Variants in COG5 observed in about 807,000 individuals in gnomAD.
The protein encoded by COG5 is component of oligomeric golgi complex 5.
COG5 carries 86 observed loss-of-function variants against 110.4 expected under a neutral mutation model. The ratio of observed to expected loss-of-function variants is 0.78; its 90% CI spans 0.65 to 0.93. The LOEUF is 0.93. Ranked by LOEUF, COG5 falls within the 40% of genes least tolerant of loss-of-function variation. The probability of loss-of-function intolerance (pLI) is 0.00; values close to 1 mark genes in which losing one functional copy is unlikely to be tolerated. For missense variants in COG5, 1,077 were observed against 987.0 expected, an observed-to-expected ratio of 1.09 and a Z score of -1.22; for synonymous variants, 360 against 334.6, an observed-to-expected ratio of 1.08 and a Z score of -0.83.
intron 7 of COG5, among the ~76,000 whole-genome samples, chr7:107,402,883 C>T (rs893139642): frequency 2.6e-5 from 4 of 152,072 alleles, no homozygotes; most frequent in East Asian, 3.9e-4. Context: ...TAAATCTTTC[C>T]GATACAGAAG....
At chr7:107,379,421 A>G (rs1212042308) in intron 7 of COG5, among the ~76,000 whole-genome samples, 1 of 152,166 alleles carries the variant, frequency 6.6e-6, no homozygotes, top group African/African-American at 2.4e-5. Flanking sequence ...ACACAAAACA[A>G]TATTAACTTT....
intron 1 of COG5, 111 bp downstream of exon 1, chr7:107,563,692 T>A: frequency 7.8e-7 from 1 of 1,282,334 alleles, no homozygotes; most frequent in Non-Finnish European, 1.1e-6. Flanking sequence ...AGTGGTCACG[T>A]CCAGACTGGA....
At chr7:107,322,375 A>G (rs1809379939) in intron 11 of COG5, among the ~76,000 whole-genome samples, 1 of 152,198 alleles carries the variant, frequency 6.6e-6, no homozygotes, top group South Asian at 2.1e-4. Context: ...ATCTTCCAGT[A>G]CCTTGATGTT....
At chr7:107,234,575 T>TGC (rs1801025491) in intron 18 of COG5, among the ~76,000 whole-genome samples, 1 of 152,124 alleles carries the variant, frequency 6.6e-6, no homozygotes, top group African/African-American at 2.4e-5. Flanking sequence ...AGCACTCTCG[T>TGC]TTTGGCCATC....
At chr7:107,229,731 G>A (rs138972378) in intron 19 of COG5, among the ~76,000 whole-genome samples, 1 of 150,692 alleles carries the variant, frequency 6.6e-6, no homozygotes, top group Admixed American at 6.6e-5. Context: ...TGATTTCTCC[G>A]CTCAGTACTA....
chr7:107,371,485 T>C (rs1814161966), intron 8 of COG5, among the ~76,000 whole-genome samples: 1 of 152,092 alleles, frequency 6.6e-6, no homozygotes, highest in South Asian at 2.1e-4. Flanking sequence ...ATAGCCACTT[T>C]TTTTCCTATT....
chr7:107,428,422 G>C (rs979723222), intron 6 of COG5, among the ~76,000 whole-genome samples: 10 of 152,072 alleles, frequency 6.6e-5, no homozygotes, highest in African/African-American at 2.4e-4. Context: ...AGAGACCTAG[G>C]AGAAAGCCAT....
At chr7:107,373,571 T>G (rs1362080322) in intron 7 of COG5, among the ~76,000 whole-genome samples, 1 of 152,100 alleles carries the variant, frequency 6.6e-6, no homozygotes, top group South Asian at 2.1e-4. Context: ...ATGTGCTTAG[T>G]ATGCTAGGGA....
At chr7:107,426,011 G>T (rs989945149) in intron 6 of COG5, among the ~76,000 whole-genome samples, 4 of 152,126 alleles carry the variant, frequency 2.6e-5, no homozygotes, top group African/African-American at 9.7e-5. Flanking sequence ...ATAAGCCAAA[G>T]AACTCCCAAG....
At chr7:107,252,622 A>G (rs1802602267) in intron 16 of COG5, among the ~76,000 whole-genome samples, 1 of 152,196 alleles carries the variant, frequency 6.6e-6, no homozygotes, top group Non-Finnish European at 1.5e-5. Flanking sequence ...AATATACCTT[A>G]TGAATATAGA....
intron 11 of COG5, among the ~76,000 whole-genome samples, chr7:107,304,096 A>G (rs1584649325): frequency 6.6e-6 from 1 of 152,298 alleles, no homozygotes; most frequent in East Asian, 1.9e-4. Context: ...AGGTCTGGGG[A>G]AAAACCTCTG....
intron 12 of COG5, among the ~76,000 whole-genome samples, chr7:107,284,027 C>G (rs538601876): frequency 6.6e-6 from 1 of 151,802 alleles, no homozygotes; most frequent in Non-Finnish European, 1.5e-5. Context: ...TGGGTTCAAG[C>G]GATTCTCCTG....
chr7:107,334,238 G>T (rs1810511242), intron 10 of COG5, among the ~76,000 whole-genome samples: 1 of 152,030 alleles, frequency 6.6e-6, no homozygotes, highest in African/African-American at 2.4e-5. Context: ...ATGAAATCCT[G>T]TCATTCAAGG....
intron 11 of COG5, among the ~76,000 whole-genome samples, chr7:107,321,944 A>T (rs1584675421): frequency 6.6e-6 from 1 of 152,192 alleles, no homozygotes; most frequent in African/African-American, 2.4e-5. Context: ...CTAGGGGAAA[A>T]TATCTTCAAA....
intron 7 of COG5, among the ~76,000 whole-genome samples, chr7:107,388,092 C>T (rs1318054625): frequency 6.6e-6 from 1 of 152,156 alleles, no homozygotes; most frequent in African/African-American, 2.4e-5. Flanking sequence ...ATTGGAGAAA[C>T]TTATCTAAAC....
chr7:107,471,241 C>T (rs1796615200), intron 6 of COG5: 1 of 151,954 alleles, frequency 6.6e-6, no homozygotes. Context: ...ATAGCTGTGG[C>T]TCTAATAATA....
chr7:107,209,133 C>T, intron 21 of COG5: 2 of 985,546 alleles, frequency 2.0e-6, no homozygotes, highest in African/African-American at 1.7e-5. Context: ...CTCAACTCAT[C>T]ACCTGACACA....
intron 10 of COG5, among the ~76,000 whole-genome samples, chr7:107,333,037 G>A (rs1810404305): frequency 6.6e-6 from 1 of 152,114 alleles, no homozygotes; most frequent in African/African-American, 2.4e-5. Flanking sequence ...TTACTAAGAG[G>A]AAGTCAGAGA....
chr7:107,233,237 G>A (rs560637085), intron 18 of COG5, among the ~76,000 whole-genome samples: 9 of 152,328 alleles, frequency 5.9e-5, no homozygotes, highest in African/African-American at 2.2e-4. Flanking sequence ...AGAGGACACT[G>A]TGGGCAAGAT....
Sources: gnomAD v4.1 joint callset for allele counts (sites outside exome capture counted in the v4.1 genomes callset) on GRCh38, gnomAD v4.1.1 for gene constraint, MANE v1.5 for transcripts, NCBI Gene and HGNC (gene_info 2026-07-23, HGNC 2026-07-21) for gene names.